The following NCAPD3 variants were observed in gnomAD, a reference collection of about 807,000 sequenced individuals.
The protein encoded by NCAPD3 is non-SMC condensin II complex subunit D3, also known as condensin-2 complex subunit D3.
In NCAPD3, 105 loss-of-function variants were observed where a neutral mutation model predicts 182.9. The ratio of observed to expected loss-of-function variants is 0.57; its 90% CI spans 0.49 to 0.68. The LOEUF is 0.68. Among genes scored for constraint, NCAPD3 ranks in the 30% least tolerant of loss-of-function variants. The pLI, the probability that NCAPD3 is intolerant of heterozygous loss-of-function variation, is 0.00. For missense variants in NCAPD3, 1,944 were observed against 1,837.0 expected, an observed-to-expected ratio of 1.06 and a Z score of -1.07; for synonymous variants, 815 against 679.9, an observed-to-expected ratio of 1.20 and a Z score of -3.09.
At chr11:134,195,854 A>G (rs1025323855) in intron 13 of NCAPD3, among the ~76,000 whole-genome samples, 3 of 152,192 alleles carry the variant, frequency 2.0e-5, no homozygotes, top group Admixed American at 6.5e-5. Flanking sequence ...TTGCAATTTG[A>G]TAAGTCATGG....
rs544271711 is a variant in NCAPD3 at position 134,161,332 on chromosome 11, G to T, written c.3684+449C>A. Among the ~76,000 whole-genome samples, 16 of 152,284 alleles carry T rather than the reference G, an allele frequency of 1.1e-4. No individual in the cohort carries two copies. The South Asian group carries it at 1.9e-3, about 18-fold the overall frequency. ...GTCCCCTTGCTTGACAAAGAATTCA[G>T]CCTGGTGATGGCAGCTCCGAAGGCA... On this transcript the variant is annotated intron_variant, in intron 28 of 34. Coordinates refer to ENST00000534548, the MANE Select transcript of NCAPD3 (RefSeq NM_015261.3).
intron 24 of NCAPD3, among the ~76,000 whole-genome samples, chr11:134,174,595 G>A (rs1944113125): frequency 6.6e-6 from 1 of 151,956 alleles, no homozygotes; most frequent in Non-Finnish European, 1.5e-5. Context: ...GTTATCGGAG[G>A]CTGGGAAGGG....
chr11:134,167,127 G>T (rs911461969), intron 27 of NCAPD3, among the ~76,000 whole-genome samples: 2 of 131,966 alleles, frequency 1.5e-5, no homozygotes, highest in Non-Finnish European at 3.2e-5. Flanking sequence ...TCACTTGTGA[G>T]ATGAGCTTGG....
At chr11:134,188,840 C>T (rs1207421549) in intron 16 of NCAPD3, among the ~76,000 whole-genome samples, 1 of 152,164 alleles carries the variant, frequency 6.6e-6, no homozygotes, top group Non-Finnish European at 1.5e-5. Flanking sequence ...ATTCCGGACA[C>T]AAAGGGTATC....
At position 134,210,470 on chromosome 11, in the gene NCAPD3, A is replaced by G; in HGVS notation, c.383-16T>C. On this transcript the variant is annotated splice_polypyrimidine_tract_variant and intron_variant, in intron 3 of 34. Coordinates refer to ENST00000534548, the MANE Select transcript of NCAPD3 (RefSeq NM_015261.3). The stretch of plus-strand genomic sequence containing the variant: ...GCTACACTGCCTATTCATGAGGAAT[A>G]AAGAGTAAGCAAGTTAGATTTAATT... 7 of 1,605,288 alleles carry G rather than the reference A, an allele frequency of 4.4e-6. No homozygotes were observed. Among genetic ancestry groups the G allele is most frequent in the Non-Finnish European group, 5.1e-6 (6 of 1,173,482 alleles).
chr11:134,158,020 G>A lies in NCAPD3; in HGVS notation c.4082C>T (p.Ala1361Val). ...CCGATGCCTGCTCTTTGACTCCACG[G>A]CTTTCTTGACAGAATTCAGGATTGC... ...TIAILNSVKKAVESKSRHRSR... is the reference protein window; with the variant it reads ...TIAILNSVKKVVESKSRHRSR... Residue 1361 changes from alanine to valine, a missense_variant, in exon 31 of 35, where the codon GCC (alanine) becomes GTC (valine). Around this residue, in one of 3 missense-constraint regions of NCAPD3, gnomAD observed 1,803 missense variants for 1,674.6 expected, o/e 1.08. Coordinates refer to ENST00000534548, the MANE Select transcript of NCAPD3 (RefSeq NM_015261.3). 1 of 1,614,142 alleles carries A rather than the reference G, an allele frequency of 6.2e-7. No homozygotes were observed. The highest frequency in any genetic ancestry group is 2.2e-5 in the East Asian group (1 of 44,884).
At position 134,168,023 on chromosome 11, in the gene NCAPD3, C is replaced by T. The variant is rs61752298; in HGVS notation, c.3546G>A (p.Gln1182=). 4,150 of 1,614,058 alleles carry T rather than the reference C, an allele frequency of 2.6e-3. 15 individuals carry two copies. Among genetic ancestry groups the T allele is most frequent in the Non-Finnish European group, 3.1e-3 (3,661 of 1,179,942 alleles). The change falls in exon 27 of 35, where the codon CAG becomes CAA. Residue 1182 remains glutamine (Q), a synonymous_variant. Transcript: ENST00000534548. The stretch of plus-strand genomic sequence containing the variant: ...GTGAGATGAGCTTCTTCTGAGCTTC[C>T]TGCATGACTACATTTGCCAAGGCCA... ...DDMALANVVM[Q]EAQKKLISQV...
chr11:134,173,964 A>G (rs936579778), intron 24 of NCAPD3, among the ~76,000 whole-genome samples: 5 of 152,006 alleles, frequency 3.3e-5, no homozygotes, highest in Non-Finnish European at 7.4e-5. Flanking sequence ...CCATCTCAAA[A>G]AAAAAAAGAA....
At chr11:134,171,399 T>C (rs1944003334) in intron 24 of NCAPD3, among the ~76,000 whole-genome samples, 1 of 152,184 alleles carries the variant, frequency 6.6e-6, no homozygotes, top group Admixed American at 6.5e-5. Flanking sequence ...TGTCCACTTC[T>C]GTTTTCAGCT....
At chr11:134,164,267 C>T (rs1271888056) in intron 27 of NCAPD3, among the ~76,000 whole-genome samples, 1 of 152,156 alleles carries the variant, frequency 6.6e-6, no homozygotes, top group African/African-American at 2.4e-5. Flanking sequence ...TCTGCAAGAG[C>T]ACCATAAACT....
chr11:134,179,207 A>T (rs1471385660), intron 20 of NCAPD3, among the ~76,000 whole-genome samples: 1 of 152,210 alleles, frequency 6.6e-6, no homozygotes, highest in Non-Finnish European at 1.5e-5. Flanking sequence ...TATTTTGTGA[A>T]AATAGGTGTA....
intron 27 of NCAPD3, among the ~76,000 whole-genome samples, chr11:134,166,782 C>T (rs1189062079): frequency 3.1e-5 from 3 of 97,166 alleles, no homozygotes; most frequent in Admixed American, 1.0e-4. Context: ...TTGGGGGAGG[C>T]GCACACTCGT....
chr11:134,176,161 C>A, intron 24 of NCAPD3, 146 bp downstream of exon 24: 1 of 640,564 alleles, frequency 1.6e-6, no homozygotes. Context: ...TGCTTAGCAT[C>A]TTAAAAATCT....
intron 7 of NCAPD3, 73 bp downstream of exon 7, chr11:134,208,791 A>T: frequency 1.0e-6 from 1 of 977,886 alleles, no homozygotes; most frequent in South Asian, 1.4e-5. Context: ...AAATGCTTTT[A>T]ACATATTTCC....
At chr11:134,215,110 C>A (rs1937968077) in intron 3 of NCAPD3, among the ~76,000 whole-genome samples, 1 of 152,184 alleles carries the variant, frequency 6.6e-6, no homozygotes, top group South Asian at 2.1e-4. Context: ...GAGCACTTCA[C>A]AAGTGCAGAA....
intron 3 of NCAPD3, among the ~76,000 whole-genome samples, chr11:134,213,410 C>T (rs1327410146): frequency 1.3e-5 from 2 of 151,694 alleles, no homozygotes; most frequent in African/African-American, 4.8e-5. Flanking sequence ...ACCTCTACTG[C>T]CTGGGTTCAA....
intron 3 of NCAPD3, among the ~76,000 whole-genome samples, chr11:134,216,266 T>C (rs1280728975): frequency 6.6e-6 from 1 of 152,250 alleles, no homozygotes; most frequent in East Asian, 1.9e-4. Flanking sequence ...TGCTAAACAT[T>C]TGTAATTAAA....
chr11:134,158,331 G>A lies in NCAPD3; in HGVS notation c.4032C>T (p.Ala1344=). Residue 1344 remains alanine (A), a splice_region_variant and synonymous_variant, in exon 30 of 35, where the codon GCC becomes GCT. Coordinates refer to ENST00000534548, the MANE Select transcript of NCAPD3 (RefSeq NM_015261.3). ...TGPLQRLLPK[A]RPMSLSTIAI... The stretch of plus-strand genomic sequence containing the variant: ...TGTGGCCTCCAGGGGCTCTTTACCT[G>A]GCTTTGGGCAGCAACCTCTGCAATG... The A allele has an allele frequency of 1.2e-6, 2 of 1,614,066 alleles. No individual in the cohort carries two copies. The highest frequency in any genetic ancestry group is 1.7e-6 in the Non-Finnish European group (2 of 1,180,006).
At chr11:134,177,680 G>C in intron 22 of NCAPD3, 1 of 555,326 alleles carries the variant, frequency 1.8e-6, no homozygotes, top group South Asian at 2.4e-5. Flanking sequence ...ATATACTATG[G>C]GATGTTCCTT....
Sources: allele counts gnomAD v4.1 joint callset (sites outside exome capture counted in the v4.1 genomes callset), GRCh38; gene constraint gnomAD v4.1.1; regional missense constraint gnomAD v4.1.1; transcripts MANE v1.5; gene names NCBI Gene and HGNC (gene_info 2026-07-23, HGNC 2026-07-21).